Variants in CACNA1E observed in about 807,000 individuals in gnomAD.
CACNA1E encodes calcium voltage-gated channel subunit alpha1 E.
Under a neutral mutation model 259.2 loss-of-function variants are expected in CACNA1E, and 40 were observed. The ratio of observed to expected loss-of-function variants is 0.15; its 90% CI spans 0.12 to 0.20. The LOEUF is 0.20. Ranked by LOEUF, CACNA1E falls within the 10% of genes least tolerant of loss-of-function variation. The probability of loss-of-function intolerance (pLI) is 1.00; values close to 1 mark genes in which losing one functional copy is unlikely to be tolerated. For missense variants in CACNA1E, 1,874 were observed against 3,040.1 expected, an observed-to-expected ratio of 0.62 and a Z score of 9.02; for synonymous variants, 1,104 against 1,138.5, an observed-to-expected ratio of 0.97 and a Z score of 0.61.
intron 6 of CACNA1E, among the ~76,000 whole-genome samples, chr1:181,588,998 A>G (rs114071431): frequency 3.0e-4 from 46 of 152,314 alleles, no homozygotes; most frequent in African/African-American, 1.1e-3. Flanking sequence ...ACTGTTCCTC[A>G]ATTCATTATT....
At chr1:181,362,991 T>C (rs1176677343) in intron 1 of CACNA1E, among the ~76,000 whole-genome samples, 2 of 152,144 alleles carry the variant, frequency 1.3e-5, no homozygotes, top group Non-Finnish European at 2.9e-5. Flanking sequence ...AGGACATAAA[T>C]GTCCCATCAT....
At chr1:181,556,867 G>T (rs1378924040) in intron 3 of CACNA1E, among the ~76,000 whole-genome samples, 2 of 152,194 alleles carry the variant, frequency 1.3e-5, no homozygotes, top group Admixed American at 1.3e-4. Flanking sequence ...GGTTTGGAAA[G>T]AGAACCGAGG....
At chr1:181,751,014 CA>C (rs1231515929) in intron 26 of CACNA1E, among the ~76,000 whole-genome samples, 1 of 151,932 alleles carries the variant, frequency 6.6e-6, no homozygotes, top group African/African-American at 2.4e-5. Context: ...GCAGGAAGGT[CA>C]GGGGGAAAGC....
chr1:181,341,393 A>G (rs771985467), intron 1 of CACNA1E, among the ~76,000 whole-genome samples: 4 of 152,192 alleles, frequency 2.6e-5, no homozygotes, highest in Non-Finnish European at 4.4e-5. Context: ...AGAGTGTCTC[A>G]TGCTGCTGCC....
chr1:181,594,638 T>C (rs1018126104), intron 6 of CACNA1E, among the ~76,000 whole-genome samples: 11 of 152,210 alleles, frequency 7.2e-5, no homozygotes, highest in Non-Finnish European at 1.5e-4. Flanking sequence ...CTGCAAGTGA[T>C]CCACCTGCCA....
intron 1 of CACNA1E, among the ~76,000 whole-genome samples, chr1:181,332,241 C>A (rs890975076): frequency 6.6e-6 from 1 of 152,172 alleles, no homozygotes; most frequent in African/African-American, 2.4e-5. Context: ...GAAGGGAGAG[C>A]ATCAGGAAGA....
intron 1 of CACNA1E, among the ~76,000 whole-genome samples, chr1:181,364,461 T>C (rs572857878): frequency 3.3e-5 from 5 of 152,084 alleles, no homozygotes; most frequent in Non-Finnish European, 5.9e-5. Flanking sequence ...TTCTGTACAA[T>C]GAATCACTGT....
chr1:181,320,954 A>G (rs746687674), intron 1 of CACNA1E, among the ~76,000 whole-genome samples: 2 of 152,168 alleles, frequency 1.3e-5, no homozygotes, highest in Non-Finnish European at 2.9e-5. Context: ...TACAAGAAGC[A>G]TGGTGCCAAC....
intron 44 of CACNA1E, among the ~76,000 whole-genome samples, chr1:181,793,338 C>T (rs1316778200): frequency 1.3e-5 from 2 of 152,196 alleles, no homozygotes; most frequent in African/African-American, 2.4e-5. Context: ...AGAAAGCGAA[C>T]TTCACATATC....
At chr1:181,472,234 A>T (rs1385707392) in intron 2 of CACNA1E, among the ~76,000 whole-genome samples, 1 of 151,058 alleles carries the variant, frequency 6.6e-6, no homozygotes, top group Non-Finnish European at 1.5e-5. Flanking sequence ...TGGGGACTGG[A>T]GGAGGAAGTA....
At position 181,800,115 on chromosome 1, in the gene CACNA1E, G is replaced by A. The variant is rs1474783214; in HGVS notation, c.*1281G>A. Reference sequence around the variant, plus strand: ...TCTGGATTTACTGAGGACCTCCCCTGAGGAGGGACCGTTGGGACCGCAGAT... The same window carrying A: ...TCTGGATTTACTGAGGACCTCCCCTAAGGAGGGACCGTTGGGACCGCAGAT... On this transcript the variant is annotated 3_prime_UTR_variant, in exon 48 of 48. Coordinates refer to ENST00000367573, the MANE Select transcript of CACNA1E (RefSeq NM_001205293.3). 1.3e-5 allele frequency: 2 copies of A among 152,850 alleles called. No individual in the cohort carries two copies. The highest frequency in any genetic ancestry group is 4.8e-5 in the African/African-American group (2 of 41,478). The allele number at this position is 152,850 out of a possible 1,614,324, so 9.5% of individuals were successfully genotyped here.
intron 1 of CACNA1E, among the ~76,000 whole-genome samples, chr1:181,405,616 T>C (rs933119199): frequency 1.3e-5 from 2 of 152,218 alleles, no homozygotes; most frequent in African/African-American, 4.8e-5. Flanking sequence ...CTGCAAAATA[T>C]CTTCTTTCCT....
At chr1:181,780,725 A>G (rs1369900423) in intron 38 of CACNA1E, among the ~76,000 whole-genome samples, 1 of 152,190 alleles carries the variant, frequency 6.6e-6, no homozygotes, top group Non-Finnish European at 1.5e-5. Flanking sequence ...TGTCCCCAGC[A>G]TGCCATTGAC....
chr1:181,590,033 A>C (rs1652471916), intron 6 of CACNA1E, among the ~76,000 whole-genome samples: 1 of 152,152 alleles, frequency 6.6e-6, no homozygotes, highest in African/African-American at 2.4e-5. Flanking sequence ...TCCTCATTCC[A>C]TGCCTGTTGA....
chr1:181,415,367 T>G (rs1658187208), intron 2 of CACNA1E, among the ~76,000 whole-genome samples: 1 of 152,124 alleles, frequency 6.6e-6, no homozygotes, highest in South Asian at 2.1e-4. Context: ...CGGGGATGAT[T>G]GGGAGACTGT....
Position 181,806,906 on chromosome 1 carries a change from T to C in CACNA1E, c.*8072T>C, listed in dbSNP as rs889938498. 2 of 152,134 alleles carry C rather than the reference T, an allele frequency of 1.3e-5. No individual in the cohort carries two copies. The highest frequency in any genetic ancestry group is 6.5e-5 in the Admixed American group (1 of 15,284). 9.4% of individuals were successfully genotyped at this position (152,134 alleles called of 1,614,324 possible). On this transcript the variant is annotated 3_prime_UTR_variant, in exon 48 of 48. Transcript: ENST00000367573. ...TGGCAGCAGGCTCTGCAGCTGCACT[T>C]AGTTGGGGTCTGCTCAGACCAGTCA...
intron 1 of CACNA1E, among the ~76,000 whole-genome samples, chr1:181,405,908 G>T (rs1657432116): frequency 6.6e-6 from 1 of 152,194 alleles, no homozygotes; most frequent in Non-Finnish European, 1.5e-5. Context: ...TTGGGTGTTA[G>T]CAGGACCAGG....
In CACNA1E at chr1:181,758,683, C is replaced by T. The variant is rs550612942; in HGVS notation, c.4495-75C>T. 1.9e-4 allele frequency: 160 copies of T among 834,730 alleles called. 2 individuals are homozygous for T. In the East Asian group the frequency reaches 3.4e-3, roughly 18 times the overall value. 51.7% of individuals were successfully genotyped at this position (834,730 alleles called of 1,614,324 possible). ...CCACAGGGCAGGAATGAGAGATGGCCAACCTCAGTGACATGTATTCCCCCT... is the reference window on the plus strand; with the variant it reads ...CCACAGGGCAGGAATGAGAGATGGCTAACCTCAGTGACATGTATTCCCCCT... On this transcript the variant is annotated intron_variant, in intron 31 of 47. Transcript: ENST00000367573. The surrounding 1 kb of genome is among the most constrained non-coding windows in gnomAD (Gnocchi z 4.2).
chr1:181,319,335 C>G (rs554346776), intron 1 of CACNA1E, among the ~76,000 whole-genome samples: 7 of 152,200 alleles, frequency 4.6e-5, no homozygotes, highest in Admixed American at 1.3e-4. Context: ...ATTACTTTAT[C>G]TCCACTGAGG....
Sources: allele counts gnomAD v4.1 joint callset (sites outside exome capture counted in the v4.1 genomes callset), GRCh38; gene constraint gnomAD v4.1.1; non-coding constraint Gnocchi (gnomAD v3.1); transcripts MANE v1.5; gene names NCBI Gene and HGNC (gene_info 2026-07-23, HGNC 2026-07-21).